SMIM18: variants seen among roughly 807,000 people sequenced by gnomAD.
SMIM18 encodes the protein small integral membrane protein 18.
A neutral mutation model predicts 5.9 loss-of-function variants in SMIM18; 4 were observed. The observed-to-expected ratio is 0.68, with a 90% CI of 0.33 to 1.56. The LOEUF (loss-of-function observed/expected upper bound fraction) is 1.56, where lower values mean the gene tolerates loss of function less well. Ranked by LOEUF, SMIM18 falls within the 40% of genes most tolerant of loss-of-function variation. The pLI is 0.06. For missense variants in SMIM18, 89 were observed against 109.7 expected (o/e 0.81, Z 0.84); for synonymous variants, 37 against 37.4 (o/e 0.99, Z 0.04).
rs892883845 is a variant in SMIM18, at chr8:30,645,515, C to A, written c.206C>A (p.Thr69Asn). ...TGCTGCTGCTGTGTAAAAAACAAAA[C>A]CGTGAAAGACTTGAAAAGTGAACCC... ...LDCCCCVKNK[T>N]VKDLKSEPNP... The change falls in exon 3 of 3, where the codon ACC (threonine) becomes AAC (asparagine). Residue 69 changes from threonine to asparagine, a missense_variant. Transcript: ENST00000517349. 1.3e-6 allele frequency: 2 copies of A among 1,535,648 alleles called. No individual in the cohort carries two copies. The highest frequency in any genetic ancestry group is 3.9e-5 in the Admixed American group (2 of 51,002).
At chr8:30,643,339 A>C (rs1290308978) in intron 1 of SMIM18, 1 of 152,166 alleles carries the variant, frequency 6.6e-6, no homozygotes, top group African/African-American at 2.4e-5. Flanking sequence ...AGATGGGCCA[A>C]GAGTTGATGA....
At chr8:30,639,607 T>A (rs2128725288) in intron 1 of SMIM18, among the ~76,000 whole-genome samples, 1 of 152,302 alleles carries the variant, frequency 6.6e-6, no homozygotes, top group Non-Finnish European at 1.5e-5. Flanking sequence ...AAAATTAATA[T>A]TAACTGCTGA....
chr8:30,642,809 T>G (rs547130255), intron 1 of SMIM18, among the ~76,000 whole-genome samples: 10 of 152,362 alleles, frequency 6.6e-5, no homozygotes, highest in African/African-American at 9.6e-5. Flanking sequence ...AATAGCTCAT[T>G]AATGGATACA....
In SMIM18 at chr8:30,645,465, G is replaced by T. The variant is rs1254833589; in HGVS notation, c.156G>T (p.Leu52=). Residue 52 remains leucine, a synonymous_variant, in exon 3 of 3, where the codon CTG becomes CTT. Transcript: ENST00000517349. The part of the protein sequence containing the change: ...FIFTVVSLVV[L]AFLYEVLDCC... ...TTACAGTGGTATCTTTAGTGGTGCT[G>T]GCTTTCCTTTATGAAGTGCTTGACT... 6.5e-7 allele frequency: 1 copy of T among 1,535,494 alleles called. No individual in the cohort carries two copies. The highest frequency in any genetic ancestry group is 8.7e-7 in the Non-Finnish European group (1 of 1,146,892).
chr8:30,644,862 C>T (rs888154966), intron 2 of SMIM18, among the ~76,000 whole-genome samples: 3 of 152,074 alleles, frequency 2.0e-5, no homozygotes, highest in Non-Finnish European at 2.9e-5. Flanking sequence ...GCAATCTTCC[C>T]GGCTTAGCCT....
intron 1 of SMIM18, among the ~76,000 whole-genome samples, chr8:30,641,824 C>G (rs1801845386): frequency 6.6e-6 from 1 of 151,878 alleles, no homozygotes; most frequent in African/African-American, 2.4e-5. Context: ...TGCAGTGAGT[C>G]AAGATTGTGC....
intron 2 of SMIM18, among the ~76,000 whole-genome samples, chr8:30,644,774 C>T (rs928111863): frequency 1.4e-5 from 2 of 144,490 alleles, no homozygotes; most frequent in South Asian, 2.2e-4. Context: ...TTTTGAGAAA[C>T]GGTTTCATTC....
chr8:30,642,063 C>A lies in SMIM18; in HGVS notation c.-110-2429C>A, dbSNP rs190645311. ...ATCCCAATTTGAATTTTTTGGAATCCAGAATACTCAATAAATGTATTAAAT... is the reference window on the plus strand; with the variant it reads ...ATCCCAATTTGAATTTTTTGGAATCAAGAATACTCAATAAATGTATTAAAT... On this transcript the variant is annotated intron_variant, in intron 1 of 2. Coordinates refer to ENST00000517349, the MANE Select transcript of SMIM18 (RefSeq NM_001206847.2). 1.4e-4 allele frequency among the ~76,000 whole-genome samples: 21 copies of A among 152,090 alleles called. No individual in the cohort carries two copies. The East Asian group carries it at 4.1e-3, about 29-fold the overall frequency.
chr8:30,638,814 T>G (rs1243477047), intron 1 of SMIM18, among the ~76,000 whole-genome samples, 175 bp downstream of exon 1: 1 of 152,262 alleles, frequency 6.6e-6, no homozygotes, highest in East Asian at 1.9e-4. Context: ...AAGACTGCCT[T>G]GTGCTATTTG....
chr8:30,638,912 T>C (rs534599623), intron 1 of SMIM18, among the ~76,000 whole-genome samples: 11 of 152,294 alleles, frequency 7.2e-5, no homozygotes, highest in African/African-American at 1.2e-4. Flanking sequence ...GAGTAAACCA[T>C]AGCTTTTTAT....
At chr8:30,644,917 A>G (rs983489024) in intron 2 of SMIM18, among the ~76,000 whole-genome samples, 2 of 151,562 alleles carry the variant, frequency 1.3e-5, no homozygotes, top group African/African-American at 4.8e-5. Flanking sequence ...TGCCTGGCTA[A>G]TTTTTGTATG....
intron 1 of SMIM18, among the ~76,000 whole-genome samples, chr8:30,639,304 AAAGT>A (rs1801726455): frequency 6.6e-6 from 1 of 152,200 alleles, no homozygotes; most frequent in Admixed American, 6.5e-5. Context: ...ACATTTAATT[AAAGT>A]ATTTCTTCAC....
chr8:30,644,977 T>C (rs932509709), intron 2 of SMIM18, among the ~76,000 whole-genome samples: 1 of 152,032 alleles, frequency 6.6e-6, no homozygotes, highest in Non-Finnish European at 1.5e-5. Context: ...CTTGAACTCC[T>C]GGGCTCAAGT....
At chr8:30,645,212 T>C in intron 2 of SMIM18, 69 bp from the exon 3 acceptor site, 1 of 1,258,182 alleles carries the variant, frequency 7.9e-7, no homozygotes, top group Non-Finnish European at 1.1e-6. Flanking sequence ...CTAAGAAATC[T>C]TAGTACTGAG....
intron 1 of SMIM18, among the ~76,000 whole-genome samples, chr8:30,642,494 T>G (rs537460384): frequency 6.6e-6 from 1 of 152,302 alleles, no homozygotes; most frequent in South Asian, 2.1e-4. Flanking sequence ...ATAAATAATA[T>G]ATTTAAATTG....
chr8:30,641,260 T>C (rs1435442297), intron 1 of SMIM18, among the ~76,000 whole-genome samples: 1 of 152,200 alleles, frequency 6.6e-6, no homozygotes, highest in African/African-American at 2.4e-5. Flanking sequence ...AAACCTGACC[T>C]ATACACTTTC....
intron 2 of SMIM18, 76 bp from the exon 3 acceptor site, chr8:30,645,205 A>C (rs1274562939): frequency 3.3e-6 from 4 of 1,230,766 alleles, no homozygotes; most frequent in Non-Finnish European, 4.4e-6. Flanking sequence ...AAATTTACTA[A>C]GAAATCTTAG....
At chr8:30,641,306 G>A (rs1801816333) in intron 1 of SMIM18, among the ~76,000 whole-genome samples, 1 of 152,150 alleles carries the variant, frequency 6.6e-6, no homozygotes. Context: ...AAGCATGTAA[G>A]TGCCTTTGGA....
intron 1 of SMIM18, among the ~76,000 whole-genome samples, chr8:30,639,096 T>G (rs1161365723): frequency 6.6e-6 from 1 of 152,230 alleles, no homozygotes; most frequent in Non-Finnish European, 1.5e-5. Flanking sequence ...TAGTTACTTA[T>G]AAGAAAGTTT....
Sources: allele counts gnomAD v4.1 joint callset (sites outside exome capture counted in the v4.1 genomes callset), GRCh38; gene constraint gnomAD v4.1.1; transcripts MANE v1.5; gene names NCBI Gene and HGNC (gene_info 2026-07-23, HGNC 2026-07-21).